The following SMYD3 variants were observed in gnomAD, a reference collection of about 807,000 sequenced individuals.
SMYD3 encodes SET and MYND domain containing 3.
A neutral mutation model predicts 57.7 loss-of-function variants in SMYD3; 36 were observed. The observed-to-expected ratio is 0.62, with a 90% CI of 0.48 to 0.82. SMYD3 has a LOEUF of 0.82. Ranked by LOEUF, SMYD3 falls within the 40% of genes least tolerant of loss-of-function variation. The pLI, the probability that SMYD3 is intolerant of heterozygous loss-of-function variation, is 0.00. For missense variants in SMYD3, 515 were observed against 538.8 expected (o/e 0.96, Z 0.44); for synonymous variants, 211 against 195.0 (o/e 1.08, Z -0.68).
At chr1:245,884,439 G>A (rs9660282) in intron 8 of SMYD3, among the ~76,000 whole-genome samples, 151,861 of 152,226 alleles carry the variant, frequency 1, 75,751 homozygotes, top group Middle Eastern at 1. Flanking sequence ...TGAAATGCAT[G>A]GGGGTTTTTA....
intron 5 of SMYD3, among the ~76,000 whole-genome samples, chr1:246,192,922 T>C (rs564554148): frequency 6.7e-6 from 1 of 148,810 alleles, no homozygotes; most frequent in African/African-American, 2.5e-5. Flanking sequence ...AAAAAAGAAA[T>C]GTAGTTACAA....
chr1:245,918,791 GGACACTAATTCTGAATCCA>G (rs1448824230), intron 7 of SMYD3, among the ~76,000 whole-genome samples: 5 of 152,122 alleles, frequency 3.3e-5, no homozygotes, highest in Non-Finnish European at 7.3e-5. Flanking sequence ...GTTAACTCTA[GGACACTAATTCTGAATCCA>G]GCCCAATGGC....
chr1:245,864,786 T>C (rs996559916), intron 8 of SMYD3, among the ~76,000 whole-genome samples: 2 of 152,130 alleles, frequency 1.3e-5, no homozygotes, highest in Non-Finnish European at 2.9e-5. Flanking sequence ...TCAATAATGC[T>C]GATATTTTAA....
At chr1:246,240,282 A>G (rs1041193481) in intron 5 of SMYD3, among the ~76,000 whole-genome samples, 27 of 152,112 alleles carry the variant, frequency 1.8e-4, no homozygotes, top group African/African-American at 4.6e-4. Context: ...GTGTAAGGAA[A>G]GGATCCAGTT....
At chr1:246,243,695 A>G (rs1165924686) in intron 5 of SMYD3, among the ~76,000 whole-genome samples, 1 of 151,994 alleles carries the variant, frequency 6.6e-6, no homozygotes, top group African/African-American at 2.4e-5. Flanking sequence ...GTTGGCCCAT[A>G]TATCAAATGT....
chr1:246,030,722 G>A (rs147973875), intron 5 of SMYD3, among the ~76,000 whole-genome samples: 54 of 152,150 alleles, frequency 3.5e-4, no homozygotes, highest in African/African-American at 1.2e-3. Flanking sequence ...TTGCACCATC[G>A]CCACACCTGT....
chr1:246,479,450 G>T (rs986957618), intron 1 of SMYD3, among the ~76,000 whole-genome samples: 1 of 151,452 alleles, frequency 6.6e-6, no homozygotes, highest in Admixed American at 6.6e-5. Flanking sequence ...TAGGCATTGT[G>T]GATTAGGTGT....
At chr1:246,409,156 G>A (rs2102981846) in intron 1 of SMYD3, among the ~76,000 whole-genome samples, 1 of 152,232 alleles carries the variant, frequency 6.6e-6, no homozygotes, top group African/African-American at 2.4e-5. Flanking sequence ...GGTTTCTTTT[G>A]CTATGCAGAA....
intron 4 of SMYD3, among the ~76,000 whole-genome samples, chr1:246,327,681 G>A (rs2065378846): frequency 6.6e-6 from 1 of 152,128 alleles, no homozygotes; most frequent in Non-Finnish European, 1.5e-5. Flanking sequence ...TTCTTATTAA[G>A]TCAGTAAACT....
intron 8 of SMYD3, among the ~76,000 whole-genome samples, chr1:245,873,464 T>C (rs9659680): frequency 0.015 from 2,245 of 152,214 alleles, 46 homozygotes; most frequent in African/African-American, 0.045. Flanking sequence ...AATGCAAAGA[T>C]TTTACAGGAA....
At chr1:246,070,822 A>C (rs12075850) in intron 5 of SMYD3, among the ~76,000 whole-genome samples, 11,049 of 152,300 alleles carry the variant, frequency 0.073, 462 homozygotes, top group African/African-American at 0.096. Context: ...CTGCCTTGTT[A>C]GATAATGAAA....
chr1:245,967,061 T>G (rs2058172655), intron 5 of SMYD3, among the ~76,000 whole-genome samples: 1 of 152,204 alleles, frequency 6.6e-6, no homozygotes, highest in African/African-American at 2.4e-5. Context: ...TTATAATGAC[T>G]TTTGATTCCA....
intron 5 of SMYD3, among the ~76,000 whole-genome samples, chr1:245,985,395 A>T (rs935313440): frequency 2.0e-5 from 3 of 152,250 alleles, no homozygotes; most frequent in Admixed American, 1.3e-4. Flanking sequence ...ATCAATACTT[A>T]AAAGTGAACC....
intron 8 of SMYD3, among the ~76,000 whole-genome samples, chr1:245,906,815 A>G (rs1414993837): frequency 1.3e-5 from 2 of 152,226 alleles, no homozygotes; most frequent in Non-Finnish European, 2.9e-5. Flanking sequence ...TCAGCCAGAA[A>G]AAAATGAGAT....
At chr1:245,927,624 A>T (rs7529278) in intron 7 of SMYD3, among the ~76,000 whole-genome samples, 1 of 152,170 alleles carries the variant, frequency 6.6e-6, no homozygotes, top group South Asian at 2.1e-4. Flanking sequence ...GATTTCATGA[A>T]TTCCCTGTGT....
At chr1:245,939,276 T>C in intron 5 of SMYD3, among the ~76,000 whole-genome samples, 1 of 152,226 alleles carries the variant, frequency 6.6e-6, no homozygotes, top group South Asian at 2.1e-4. Context: ...CAAACTCTTC[T>C]TAGCTAGTTA....
intron 5 of SMYD3, among the ~76,000 whole-genome samples, chr1:246,176,297 C>T (rs559986821): frequency 6.6e-5 from 10 of 152,302 alleles, no homozygotes; most frequent in African/African-American, 1.9e-4. Flanking sequence ...CCAGGCCATT[C>T]CTACATCCAT....
At chr1:246,003,358 A>G (rs1045133682) in intron 5 of SMYD3, among the ~76,000 whole-genome samples, 6 of 152,198 alleles carry the variant, frequency 3.9e-5, no homozygotes, top group African/African-American at 1.4e-4. Context: ...ACTTATCATG[A>G]CCTAATCAAA....
chr1:246,237,031 ACATCAAGAAAAACCAC>A (rs1464472502), intron 5 of SMYD3, among the ~76,000 whole-genome samples: 1 of 152,194 alleles, frequency 6.6e-6, no homozygotes, highest in Non-Finnish European at 1.5e-5. Context: ...AACCATTAAT[ACATCAAGAAAAACCAC>A]TTAATAAACC....
Sources: allele counts gnomAD v4.1 joint callset (sites outside exome capture counted in the v4.1 genomes callset), GRCh38; gene constraint gnomAD v4.1.1; transcripts MANE v1.5; gene names NCBI Gene and HGNC (gene_info 2026-07-23, HGNC 2026-07-21).